The following EPM2A variants were observed in gnomAD, a reference collection of about 807,000 sequenced individuals.
EPM2A encodes the protein EPM2A glucan phosphatase, laforin, also known as laforin.
Under a neutral mutation model 26.5 loss-of-function variants are expected in EPM2A, and 21 were observed. That is an observed-to-expected ratio of 0.79 (90% CI 0.56 to 1.14). The LOEUF (loss-of-function observed/expected upper bound fraction) is 1.14. Ranked by LOEUF, EPM2A falls within the 50% of genes most tolerant of loss-of-function variation. The pLI is 0.00. For synonymous variants in EPM2A, 217 were observed against 177.6 expected, an observed-to-expected ratio of 1.22 and a Z score of -1.76; for missense variants, 458 against 440.8, an observed-to-expected ratio of 1.04 and a Z score of -0.35.
At chr6:145,625,015 T>C (rs1280918288), downstream of EPM2A, among the ~76,000 whole-genome samples, 1 of 152,242 alleles carries the variant, frequency 6.6e-6, no homozygotes, top group African/African-American at 2.4e-5. Context: ...AAATCCGTGA[T>C]TGAAAAGTTT....
intron 4 of EPM2A, among the ~76,000 whole-genome samples, chr6:145,388,312 T>C (rs1778290305): frequency 6.6e-6 from 1 of 152,114 alleles, no homozygotes; most frequent in Non-Finnish European, 1.5e-5. Context: ...CCTGTGATCT[T>C]TCTTGACCTC....
At chr6:145,682,193 C>T (rs1562484120) in intron 2 of EPM2A, among the ~76,000 whole-genome samples, 2 of 152,090 alleles carry the variant, frequency 1.3e-5, no homozygotes, top group African/African-American at 4.8e-5. Context: ...TGGCAGCAGA[C>T]AAAGAGAGAG....
chr6:145,599,530 T>G (rs1781389269), intron 2 of EPM2A, among the ~76,000 whole-genome samples: 1 of 152,034 alleles, frequency 6.6e-6, no homozygotes, highest in South Asian at 2.1e-4. Flanking sequence ...TTTTTCTGAT[T>G]AATTCTTCTT....
chr6:145,718,056 C>T (rs1386455623), intron 1 of EPM2A, among the ~76,000 whole-genome samples: 1 of 151,524 alleles, frequency 6.6e-6, no homozygotes, highest in Non-Finnish European at 1.5e-5. Context: ...AGGTAATTTA[C>T]AGATTCAATG....
chr6:145,729,307 T>C (rs941015285), intron 1 of EPM2A, among the ~76,000 whole-genome samples: 1 of 152,162 alleles, frequency 6.6e-6, no homozygotes, highest in African/African-American at 2.4e-5. Context: ...CACTGTCCTC[T>C]AGACACCACA....
At chr6:145,440,397 T>A (rs898920177) in intron 4 of EPM2A, among the ~76,000 whole-genome samples, 32 of 152,194 alleles carry the variant, frequency 2.1e-4, no homozygotes, top group Admixed American at 4.6e-4. Context: ...AGTTGAGATT[T>A]AGGTGGTGAC....
chr6:145,735,537 C>T, upstream of EPM2A: 1 of 1,162,786 alleles, frequency 8.6e-7, no homozygotes, highest in Non-Finnish European at 1.1e-6. Context: ...GCCCGGAGTC[C>T]CCGCGGCCGG....
At chr6:145,689,251 A>C (rs1258370313) in intron 1 of EPM2A, among the ~76,000 whole-genome samples, 1 of 152,190 alleles carries the variant, frequency 6.6e-6, no homozygotes, top group Non-Finnish European at 1.5e-5. Flanking sequence ...TGTCTTTTAG[A>C]GGATGGGTTA....
intron 2 of EPM2A, among the ~76,000 whole-genome samples, chr6:145,533,281 C>T (rs974443706): frequency 2.6e-5 from 4 of 152,140 alleles, no homozygotes; most frequent in African/African-American, 7.2e-5. Flanking sequence ...TCTGTAACTA[C>T]CACAGCCCAA....
intron 2 of EPM2A, among the ~76,000 whole-genome samples, chr6:145,512,603 T>C (rs1266177376): frequency 6.7e-6 from 1 of 148,696 alleles, no homozygotes; most frequent in Non-Finnish European, 1.5e-5. Flanking sequence ...TCCTAGCTAC[T>C]TAGGAGACTG....
intron 4 of EPM2A, among the ~76,000 whole-genome samples, chr6:145,397,769 T>C (rs1048674521): frequency 6.6e-6 from 1 of 152,196 alleles, no homozygotes; most frequent in African/African-American, 2.4e-5. Context: ...ACAAAGAATT[T>C]ACTATTAGGT....
At chr6:145,583,156 A>T (rs534914630) in intron 2 of EPM2A, among the ~76,000 whole-genome samples, 1 of 152,234 alleles carries the variant, frequency 6.6e-6, no homozygotes, top group Admixed American at 6.5e-5. Flanking sequence ...TATGTCCATC[A>T]TTTCAGCCAT....
chr6:145,679,629 T>C (rs945077024), intron 2 of EPM2A, among the ~76,000 whole-genome samples: 4 of 152,122 alleles, frequency 2.6e-5, no homozygotes, highest in African/African-American at 9.7e-5. Context: ...TCTTCTGCAC[T>C]GAGAGCTTAG....
At chr6:145,621,332 T>C (rs1191802252), downstream of EPM2A, among the ~76,000 whole-genome samples, 4 of 152,234 alleles carry the variant, frequency 2.6e-5, no homozygotes, top group African/African-American at 9.6e-5. Context: ...ATTGTCTTTA[T>C]TCATTCATCT....
At chr6:145,529,703 C>T in intron 2 of EPM2A, among the ~76,000 whole-genome samples, 1 of 152,142 alleles carries the variant, frequency 6.6e-6, no homozygotes, top group East Asian at 1.9e-4. Flanking sequence ...CTGAAGTATG[C>T]CTGTGCATGC....
At chr6:145,696,650 G>A (rs1781586141) in intron 1 of EPM2A, among the ~76,000 whole-genome samples, 1 of 151,914 alleles carries the variant, frequency 6.6e-6, no homozygotes, top group African/African-American at 2.4e-5. Context: ...GAGATAACAG[G>A]GTTTTCTAAA....
intron 2 of EPM2A, among the ~76,000 whole-genome samples, chr6:145,552,464 A>T (rs1456948889): frequency 1.3e-5 from 2 of 152,092 alleles, no homozygotes; most frequent in Non-Finnish European, 2.9e-5. Flanking sequence ...AATCACCGTC[A>T]GCCTAGATTT....
At chr6:145,685,825 T>G (rs1384503722) in intron 2 of EPM2A, among the ~76,000 whole-genome samples, 1 of 152,220 alleles carries the variant, frequency 6.6e-6, no homozygotes, top group African/African-American at 2.4e-5. Context: ...TCTATTTTAG[T>G]GTAGTTCTTA....
chr6:145,401,600 C>T (rs1035777104), intron 4 of EPM2A, among the ~76,000 whole-genome samples: 3 of 152,118 alleles, frequency 2.0e-5, no homozygotes, highest in Non-Finnish European at 4.4e-5. Context: ...TGACATTACA[C>T]AGTGAGGAAT....
Sources: allele counts gnomAD v4.1 joint callset (sites outside exome capture counted in the v4.1 genomes callset), GRCh38; gene constraint gnomAD v4.1.1; transcripts MANE v1.5; gene names NCBI Gene and HGNC (gene_info 2026-07-23, HGNC 2026-07-21).